The following CCBE1 variants were observed in gnomAD, a reference collection of about 807,000 sequenced individuals.
CCBE1 encodes collagen and calcium binding EGF domains 1.
CCBE1 carries 37 observed loss-of-function variants against 50.0 expected under a neutral mutation model. The ratio of observed to expected loss-of-function variants is 0.74; its 90% confidence interval spans 0.57 to 0.97. CCBE1 has a LOEUF of 0.97. CCBE1 is among the 50% of genes least tolerant of loss of function. The pLI is 0.00. For synonymous variants in CCBE1, 234 were observed against 203.7 expected, an observed-to-expected ratio of 1.15 and a Z score of -1.27; for missense variants, 538 against 523.8, an observed-to-expected ratio of 1.03 and a Z score of -0.26.
chr18:59,583,198 G>A (rs767171109), intron 2 of CCBE1, among the ~76,000 whole-genome samples: 5 of 152,172 alleles, frequency 3.3e-5, no homozygotes, highest in Non-Finnish European at 5.9e-5. Context: ...GGTTCTCCCA[G>A]TTAAGCACTT....
intron 5 of CCBE1, among the ~76,000 whole-genome samples, chr18:59,466,317 A>G (rs1323955902): frequency 6.6e-6 from 1 of 151,976 alleles, no homozygotes; most frequent in Non-Finnish European, 1.5e-5. Context: ...ATGGTTTATC[A>G]ATACAAGGGG....
chr18:59,657,235 G>A (rs977863357), intron 2 of CCBE1, among the ~76,000 whole-genome samples: 1 of 152,230 alleles, frequency 6.6e-6, no homozygotes, highest in Non-Finnish European at 1.5e-5. Context: ...AGATGTGTGC[G>A]AGGGTAGAGA....
At chr18:59,476,908 G>A (rs673145) in intron 3 of CCBE1, among the ~76,000 whole-genome samples, 101,004 of 152,046 alleles carry the variant, frequency 0.66, 33,989 homozygotes, top group East Asian at 0.84. Flanking sequence ...AGAATCAAGG[G>A]GTGGAAGTGG....
Position 59,435,809 on chromosome 18 carries a change from A to G in CCBE1, c.*99T>C. 1 of 1,036,636 alleles carries G rather than the reference A, an allele frequency of 9.6e-7. No homozygotes were observed. The highest frequency in any genetic ancestry group is 1.3e-5 in the South Asian group (1 of 78,704). The allele number at this position is 1,036,636 out of a possible 1,614,324, so 64.2% of individuals were successfully genotyped here. A position where few individuals can be genotyped will look rare whatever the true frequency, so the allele number is the denominator to read the frequency against. ...TCAGGAGAAGAGAAGAGAAAAATGT[A>G]TGTTTTCTAGGTCTCCAGTGGTCTT... is the stretch of plus-strand genomic sequence containing the variant. On this transcript the variant is annotated 3_prime_UTR_variant, in exon 11 of 11. Transcript: ENST00000439986.
chr18:59,644,176 C>T (rs1357621176), intron 2 of CCBE1, among the ~76,000 whole-genome samples: 7 of 152,204 alleles, frequency 4.6e-5, no homozygotes, highest in Admixed American at 4.6e-4. Context: ...AGGTCCCTCG[C>T]ATGCACTGTT....
At chr18:59,569,343 G>T (rs755810053) in intron 2 of CCBE1, among the ~76,000 whole-genome samples, 1 of 152,134 alleles carries the variant, frequency 6.6e-6, no homozygotes, top group Non-Finnish European at 1.5e-5. Flanking sequence ...TGGTATATCT[G>T]GTAATAAAAA....
intron 2 of CCBE1, among the ~76,000 whole-genome samples, chr18:59,657,917 T>C (rs1314588754): frequency 6.6e-6 from 1 of 151,726 alleles, no homozygotes. Context: ...CAGAAACAGA[T>C]ACATTAAAGG....
Position 59,494,044 on chromosome 18 carries a change from A to T in CCBE1, c.213-13806T>A, listed in dbSNP as rs566920928. ...GCCATGTGGAACTGTAAGTCCATCA[A>T]ACCTCTTTCTTCCCAGTCTCAGGAA... On this transcript the variant is annotated intron_variant, in intron 2 of 10. Transcript: ENST00000439986. Among the ~76,000 whole-genome samples the T allele has an allele frequency of 2.0e-5, 3 of 152,268 alleles. No homozygotes were observed. The East Asian group carries it at 5.8e-4, about 29-fold the overall frequency.
At chr18:59,485,594 A>ATTTG (rs1256627443) in intron 2 of CCBE1, among the ~76,000 whole-genome samples, 1 of 147,264 alleles carries the variant, frequency 6.8e-6, no homozygotes, top group Non-Finnish European at 1.5e-5. Flanking sequence ...ATATTTATTT[A>ATTTG]TTTATTTATT....
intron 2 of CCBE1, among the ~76,000 whole-genome samples, chr18:59,623,022 G>A (rs552250158): frequency 6.6e-6 from 1 of 152,170 alleles, no homozygotes; most frequent in Admixed American, 6.5e-5. Flanking sequence ...TAGACTTTGG[G>A]TAATAATGAT....
At chr18:59,552,490 C>G (rs1346444245) in intron 2 of CCBE1, among the ~76,000 whole-genome samples, 2 of 152,210 alleles carry the variant, frequency 1.3e-5, no homozygotes, top group African/African-American at 2.4e-5. Flanking sequence ...TAGCCTACAT[C>G]TAGGTTTTGG....
At chr18:59,442,241 C>G (rs939609510) in intron 7 of CCBE1, among the ~76,000 whole-genome samples, 1 of 152,068 alleles carries the variant, frequency 6.6e-6, no homozygotes, top group African/African-American at 2.4e-5. Flanking sequence ...ATACAGGCTT[C>G]TGAAAGTTAA....
At chr18:59,697,574 T>G (rs1599148502), upstream of CCBE1, 3 of 555,522 alleles carry the variant, frequency 5.4e-6, no homozygotes, top group Admixed American at 3.3e-5. Context: ...GTAAAGGGGG[T>G]ACCTGCGGTG....
At chr18:59,506,541 C>A (rs771800671) in intron 2 of CCBE1, among the ~76,000 whole-genome samples, 1 of 152,240 alleles carries the variant, frequency 6.6e-6, no homozygotes, top group Non-Finnish European at 1.5e-5. Flanking sequence ...TTCAGATGAG[C>A]AAAGACCTTC....
chr18:59,475,890 T>A (rs1432775739), intron 3 of CCBE1, among the ~76,000 whole-genome samples: 1 of 152,150 alleles, frequency 6.6e-6, no homozygotes, highest in African/African-American at 2.4e-5. Flanking sequence ...GGCTAATTTT[T>A]GTATTTTTAG....
At chr18:59,643,230 A>AT (rs1027723776) in intron 2 of CCBE1, among the ~76,000 whole-genome samples, 34 of 152,084 alleles carry the variant, frequency 2.2e-4, no homozygotes, top group African/African-American at 7.2e-4. Flanking sequence ...TATTCATCCT[A>AT]TTTTTAAATC....
At chr18:59,487,945 A>C (rs986482004) in intron 2 of CCBE1, among the ~76,000 whole-genome samples, 1 of 152,218 alleles carries the variant, frequency 6.6e-6, no homozygotes, top group African/African-American at 2.4e-5. Context: ...GACACATCCC[A>C]ATGTCCATCA....
intron 2 of CCBE1, among the ~76,000 whole-genome samples, chr18:59,518,427 G>A (rs181266238): frequency 6.6e-6 from 1 of 152,322 alleles, no homozygotes; most frequent in African/African-American, 2.4e-5. Context: ...GGAGGCAGAG[G>A]TTGCAGTGAG....
At chr18:59,458,391 G>A (rs892707342) in intron 5 of CCBE1, among the ~76,000 whole-genome samples, 6 of 151,756 alleles carry the variant, frequency 4.0e-5, no homozygotes, top group Admixed American at 6.6e-5. Flanking sequence ...GAGCGGGGCC[G>A]CCATGAACAA....
Sources: allele counts gnomAD v4.1 joint callset (sites outside exome capture counted in the v4.1 genomes callset), GRCh38; gene constraint gnomAD v4.1.1; transcripts MANE v1.5; gene names NCBI Gene and HGNC (gene_info 2026-07-23, HGNC 2026-07-21).